Variants in ZFAND3 observed in about 807,000 individuals in gnomAD.
ZFAND3 encodes the protein AN1-type zinc finger protein 3.
A neutral mutation model predicts 29.6 loss-of-function variants in ZFAND3; 10 were observed. The ratio of observed to expected loss-of-function variants is 0.34; its 90% CI spans 0.21 to 0.57. The LOEUF is 0.57. Among genes scored for constraint, ZFAND3 ranks in the 20% least tolerant of loss-of-function variants. ZFAND3 has a pLI of 0.86. For synonymous variants in ZFAND3, 128 were observed against 112.6 expected, an observed-to-expected ratio of 1.14 and a Z score of -0.87; for missense variants, 230 against 304.5, an observed-to-expected ratio of 0.76 and a Z score of 1.82.
At chr6:38,038,294 C>T (rs1248795444) in intron 2 of ZFAND3, among the ~76,000 whole-genome samples, 1 of 152,142 alleles carries the variant, frequency 6.6e-6, no homozygotes, top group African/African-American at 2.4e-5. Flanking sequence ...GTGGTAAAGG[C>T]AGAGATGATG....
chr6:38,043,772 C>T (rs1763843168), intron 2 of ZFAND3, among the ~76,000 whole-genome samples: 1 of 151,804 alleles, frequency 6.6e-6, no homozygotes, highest in African/African-American at 2.4e-5. Flanking sequence ...CTCATGTCAC[C>T]ACACCCAGCT....
intron 4 of ZFAND3, among the ~76,000 whole-genome samples, chr6:38,083,151 C>CAGAGTATTTT (rs1196692351): frequency 1.3e-5 from 2 of 152,150 alleles, no homozygotes; most frequent in Admixed American, 6.6e-5. Flanking sequence ...CTAAAGGTCA[C>CAGAGTATTTT]AGAGTATTTT....
chr6:37,895,840 G>A (rs1179945007), intron 1 of ZFAND3, among the ~76,000 whole-genome samples: 1 of 152,086 alleles, frequency 6.6e-6, no homozygotes, highest in South Asian at 2.1e-4. Flanking sequence ...TCTAAGTTTT[G>A]TTAGGCTGTG....
chr6:37,993,573 C>A (rs1762797845), intron 2 of ZFAND3, among the ~76,000 whole-genome samples: 1 of 152,054 alleles, frequency 6.6e-6, no homozygotes, highest in Admixed American at 6.5e-5. Context: ...GTGATCTGCC[C>A]ACCTTGGCCT....
chr6:37,912,239 G>A (rs1268253648), intron 1 of ZFAND3, among the ~76,000 whole-genome samples: 1 of 152,048 alleles, frequency 6.6e-6, no homozygotes, highest in Non-Finnish European at 1.5e-5. Flanking sequence ...CTGTCAGTCG[G>A]ATCCTGATCC....
At chr6:37,943,299 T>G (rs553377537) in intron 2 of ZFAND3, among the ~76,000 whole-genome samples, 14 of 152,252 alleles carry the variant, frequency 9.2e-5, no homozygotes, top group African/African-American at 3.4e-4. Flanking sequence ...GCTAGTACTT[T>G]AAATTGTTCA....
chr6:37,958,759 G>A (rs1385411339), intron 2 of ZFAND3, among the ~76,000 whole-genome samples: 1 of 143,942 alleles, frequency 6.9e-6, no homozygotes, highest in East Asian at 2.1e-4. Flanking sequence ...ACCCACCGAC[G>A]GACAAAATGT....
chr6:38,062,020 C>G (rs1017360931), intron 3 of ZFAND3, among the ~76,000 whole-genome samples: 1 of 152,224 alleles, frequency 6.6e-6, no homozygotes, highest in Non-Finnish European at 1.5e-5. Context: ...TCACCTATGT[C>G]TGCACATTAG....
intron 2 of ZFAND3, among the ~76,000 whole-genome samples, chr6:38,061,362 A>G (rs936120980): frequency 6.6e-6 from 1 of 152,140 alleles, no homozygotes; most frequent in Non-Finnish European, 1.5e-5. Flanking sequence ...TAAAATCAGT[A>G]TGTTTGCATT....
At chr6:38,112,142 A>T (rs966209773) in intron 4 of ZFAND3, among the ~76,000 whole-genome samples, 7 of 152,164 alleles carry the variant, frequency 4.6e-5, no homozygotes, top group African/African-American at 1.7e-4. Context: ...ACTAGATCTG[A>T]TGTGATATCT....
chr6:38,101,918 A>AC (rs1561999575), intron 4 of ZFAND3, among the ~76,000 whole-genome samples: 1 of 152,112 alleles, frequency 6.6e-6, no homozygotes, highest in African/African-American at 2.4e-5. Flanking sequence ...TTTAGCATCT[A>AC]CTCAGTTATG....
intron 1 of ZFAND3, among the ~76,000 whole-genome samples, chr6:37,927,333 G>GT: frequency 6.6e-6 from 1 of 152,304 alleles, no homozygotes; most frequent in Middle Eastern, 3.4e-3. Flanking sequence ...AGTAGCAGAA[G>GT]TTATATGAGT....
At chr6:37,947,147 ATCTT>A (rs1761918019) in intron 2 of ZFAND3, among the ~76,000 whole-genome samples, 1 of 152,316 alleles carries the variant, frequency 6.6e-6, no homozygotes, top group African/African-American at 2.4e-5. Flanking sequence ...ACTTGCCAAA[ATCTT>A]TCTTTGTTCA....
intron 4 of ZFAND3, among the ~76,000 whole-genome samples, chr6:38,101,509 T>G (rs1765091737): frequency 6.6e-6 from 1 of 152,116 alleles, no homozygotes; most frequent in African/African-American, 2.4e-5. Context: ...AGGATTTGTC[T>G]TGAGAGCAGT....
chr6:37,857,568 G>A (rs1212221653), intron 1 of ZFAND3, among the ~76,000 whole-genome samples: 1 of 152,190 alleles, frequency 6.6e-6, no homozygotes, highest in African/African-American at 2.4e-5. Flanking sequence ...GAAATGATGT[G>A]TGATTTATGG....
intron 2 of ZFAND3, among the ~76,000 whole-genome samples, chr6:37,961,773 A>C (rs1762203032): frequency 6.6e-6 from 1 of 152,226 alleles, no homozygotes; most frequent in Non-Finnish European, 1.5e-5. Context: ...GGTACCTCTT[A>C]AGAGTCTGCA....
At chr6:38,137,908 G>A (rs1765873000) in intron 5 of ZFAND3, among the ~76,000 whole-genome samples, 1 of 152,184 alleles carries the variant, frequency 6.6e-6, no homozygotes, top group African/African-American at 2.4e-5. Flanking sequence ...ACGCAGCAGG[G>A]ATCAGTCGGG....
At chr6:37,974,194 C>G (rs1248219465) in intron 2 of ZFAND3, among the ~76,000 whole-genome samples, 1 of 152,070 alleles carries the variant, frequency 6.6e-6, no homozygotes, top group African/African-American at 2.4e-5. Flanking sequence ...TGCCGAGTAG[C>G]TGGGATTGCA....
At chr6:37,872,577 C>T (rs141229452) in intron 1 of ZFAND3, among the ~76,000 whole-genome samples, 2 of 152,172 alleles carry the variant, frequency 1.3e-5, no homozygotes, top group African/African-American at 4.8e-5. Context: ...GAGTACCACT[C>T]TCCTACTCTG....
Sources: allele counts gnomAD v4.1 joint callset (sites outside exome capture counted in the v4.1 genomes callset), GRCh38; gene constraint gnomAD v4.1.1; transcripts MANE v1.5; gene names NCBI Gene and HGNC (gene_info 2026-07-23, HGNC 2026-07-21).